Variants in CABCOCO1 observed in about 807,000 individuals in gnomAD.
The protein encoded by CABCOCO1 is ciliary-associated calcium-binding coiled-coil protein 1.
Under a neutral mutation model 35.7 loss-of-function variants are expected in CABCOCO1, and 28 were observed. The observed-to-expected ratio is 0.78, with a 90% CI of 0.58 to 1.07. The LOEUF (loss-of-function observed/expected upper bound fraction) is 1.07, where lower values mean the gene tolerates loss of function less well. Ranked by LOEUF, CABCOCO1 falls within the 50% of genes least tolerant of loss-of-function variation. CABCOCO1 has a pLI of 0.00. For missense variants in CABCOCO1, 326 were observed against 309.2 expected, an observed-to-expected ratio of 1.05 and a Z score of -0.41; for synonymous variants, 95 against 100.1, an observed-to-expected ratio of 0.95 and a Z score of 0.30.
chr10:61,681,124 T>G lies in CABCOCO1; in HGVS notation c.165-19T>G, dbSNP rs879624102. The G allele has an allele frequency of 2.9e-5, 40 of 1,378,818 alleles. No homozygotes were observed. The highest frequency in any genetic ancestry group is 3.8e-5 in the Non-Finnish European group (39 of 1,032,386). 85.4% of individuals were successfully genotyped at this position (1,378,818 alleles called of 1,614,324 possible). ...TATCTAATCTGAATTAATATGTGGA[T>G]TTTTGTTTTATTTTACAGAAAACTG... On this transcript the variant is annotated intron_variant, in intron 2 of 7. Coordinates refer to ENST00000648843, the MANE Select transcript of CABCOCO1 (RefSeq NM_001366906.2).
At chr10:61,737,367 T>C (rs1589148207) in intron 5 of CABCOCO1, among the ~76,000 whole-genome samples, 1 of 152,278 alleles carries the variant, frequency 6.6e-6, no homozygotes, top group East Asian at 1.9e-4. Flanking sequence ...GTAAATTAGT[T>C]CAATCATTGT....
chr10:61,681,565 G>T (rs996552761), intron 3 of CABCOCO1, among the ~76,000 whole-genome samples: 2 of 151,974 alleles, frequency 1.3e-5, no homozygotes, highest in African/African-American at 2.4e-5. Context: ...TGTATCAGTG[G>T]CATCCACCCT....
chr10:61,668,854 C>G (rs1462089916), intron 1 of CABCOCO1, among the ~76,000 whole-genome samples: 1 of 151,600 alleles, frequency 6.6e-6, no homozygotes, highest in Admixed American at 6.6e-5. Flanking sequence ...TATTTTAATG[C>G]AATACTTTAA....
intron 2 of CABCOCO1, among the ~76,000 whole-genome samples, chr10:61,674,180 T>C (rs1209324209): frequency 6.6e-6 from 1 of 152,232 alleles, no homozygotes; most frequent in African/African-American, 2.4e-5. Context: ...CTGTGTATCA[T>C]ACTTTGTGTG....
chr10:61,669,877 AAT>A (rs1405998775), intron 1 of CABCOCO1, among the ~76,000 whole-genome samples: 1 of 152,152 alleles, frequency 6.6e-6, no homozygotes, highest in Non-Finnish European at 1.5e-5. Flanking sequence ...ATTCATTATT[AAT>A]ATGACAGTAA....
In CABCOCO1 at chr10:61,674,024, C is replaced by T. The variant is rs141542313; in HGVS notation, c.164+1289C>T. Reference sequence around the variant, plus strand: ...TGATACTAGGCAAAATAGCACAATGCGAATAGCAGACATTTTATACAGTTC... The same window carrying T: ...TGATACTAGGCAAAATAGCACAATGTGAATAGCAGACATTTTATACAGTTC... On this transcript the variant is annotated intron_variant, in intron 2 of 7. Coordinates refer to ENST00000648843, the MANE Select transcript of CABCOCO1 (RefSeq NM_001366906.2). 9.9e-5 allele frequency among the ~76,000 whole-genome samples: 15 copies of T among 151,940 alleles called. No individual in the cohort carries two copies. The East Asian group carries it at 1.2e-3, about 12-fold the overall frequency.
intron 3 of CABCOCO1, among the ~76,000 whole-genome samples, chr10:61,681,875 T>C (rs1839803040): frequency 6.6e-6 from 1 of 152,092 alleles, no homozygotes; most frequent in South Asian, 2.1e-4. Flanking sequence ...AAAAAAATAA[T>C]AATCAAAATT....
chr10:61,750,104 G>A (rs1441009397), intron 5 of CABCOCO1, among the ~76,000 whole-genome samples: 4 of 151,974 alleles, frequency 2.6e-5, no homozygotes, highest in South Asian at 2.1e-4. Flanking sequence ...GGAGGCTCAC[G>A]GAAAGCAATG....
rs1031142540 is a variant in CABCOCO1 at position 61,765,997 on chromosome 10, A to G, written c.875A>G (p.Lys292Arg). 16 of 1,613,148 alleles carry G rather than the reference A, an allele frequency of 9.9e-6. No individual in the cohort carries two copies. Among genetic ancestry groups the G allele is most frequent in the Non-Finnish European group, 1.4e-5 (16 of 1,179,398 alleles). Residue 292 changes from lysine (K) to arginine (R), a missense_variant, in exon 8 of 8, where the codon AAA (lysine) becomes AGA (arginine). Physicochemically the swap from Lys to Arg is conservative, Grantham distance 26. Transcript: ENST00000648843. ...QEEAFNARIE[K>R]LKKA is the part of the protein sequence containing the mutation. The stretch of plus-strand genomic sequence containing the variant: ...GAGGCCTTTAATGCACGAATAGAAA[A>G]ATTGAAAAAGGCCTAAGGACTTGGT...
chr10:61,723,638 G>C (rs937394997), intron 5 of CABCOCO1, among the ~76,000 whole-genome samples: 37 of 152,244 alleles, frequency 2.4e-4, no homozygotes, highest in East Asian at 1.9e-3. Context: ...GTCTCTTTTA[G>C]GTTTGCAGAT....
intron 5 of CABCOCO1, chr10:61,701,641 T>C (rs1453694706): frequency 1.7e-5 from 17 of 985,012 alleles, no homozygotes; most frequent in Non-Finnish European, 1.9e-5. Flanking sequence ...GCAGAATCCA[T>C]TAATAATCCA....
intron 2 of CABCOCO1, among the ~76,000 whole-genome samples, chr10:61,680,717 CATAT>C (rs1839759498): frequency 1.1e-5 from 1 of 91,280 alleles, no homozygotes; most frequent in African/African-American, 4.6e-5. Context: ...ACATGTATAA[CATAT>C]ATATTATATA....
intron 5 of CABCOCO1, among the ~76,000 whole-genome samples, chr10:61,751,213 CTT>C (rs57540074): frequency 0.041 from 4,374 of 106,438 alleles, 222 homozygotes; most frequent in African/African-American, 0.15. Context: ...TTGCCTTGCT[CTT>C]TTTTTTTTTT....
chr10:61,699,418 T>C (rs1421070395), intron 5 of CABCOCO1, among the ~76,000 whole-genome samples: 1 of 152,144 alleles, frequency 6.6e-6, no homozygotes, highest in East Asian at 1.9e-4. Flanking sequence ...ATCTCAACTC[T>C]TGAGACTGTC....
intron 3 of CABCOCO1, chr10:61,684,998 T>C (rs1006071481): frequency 1.2e-4 from 18 of 152,210 alleles, no homozygotes; most frequent in African/African-American, 4.3e-4. Context: ...TTTGTTTTCA[T>C]TGGTGTGTAG....
At chr10:61,689,416 G>T (rs1268941700) in intron 4 of CABCOCO1, among the ~76,000 whole-genome samples, 3 of 151,906 alleles carry the variant, frequency 2.0e-5, no homozygotes, top group Non-Finnish European at 4.4e-5. Context: ...TGTACAAGAG[G>T]TTTTTTTCCC....
Position 61,760,076 on chromosome 10 carries a change from C to G in CABCOCO1, c.570C>G (p.Val190=). ...CCCATCAGCAAGTGATAGAGGTTGT[C>G]AAGTCTGCATGTGGCCCTTTCCCAA... The part of the protein sequence containing the change: ...VIGTEQVIEV[V]KSACGPFPNP... Residue 190 remains valine, a synonymous_variant, in exon 6 of 8, where the codon GTC becomes GTG. Coordinates refer to ENST00000648843, the MANE Select transcript of CABCOCO1 (RefSeq NM_001366906.2). 6.2e-7 allele frequency: 1 copy of G among 1,612,806 alleles called. No homozygotes were observed. The highest frequency in any genetic ancestry group is 8.5e-7 in the Non-Finnish European group (1 of 1,179,228).
intron 5 of CABCOCO1, among the ~76,000 whole-genome samples, chr10:61,759,115 G>C (rs1315148115): frequency 6.6e-6 from 1 of 151,550 alleles, no homozygotes; most frequent in Admixed American, 6.6e-5. Flanking sequence ...GCCTGACTTT[G>C]TCAGCATACT....
chr10:61,741,588 G>A (rs1429202824), intron 5 of CABCOCO1, among the ~76,000 whole-genome samples: 1 of 152,172 alleles, frequency 6.6e-6, no homozygotes, highest in African/African-American at 2.4e-5. Context: ...AATAAGTTGT[G>A]AGGCTGAAGC....
Sources: gnomAD v4.1 joint callset for allele counts (sites outside exome capture counted in the v4.1 genomes callset) on GRCh38, gnomAD v4.1.1 for gene constraint, MANE v1.5 for transcripts, NCBI Gene and HGNC (gene_info 2026-07-23, HGNC 2026-07-21) for gene names.